The following CCDC68 variants were observed in gnomAD, a reference collection of about 807,000 sequenced individuals.
The protein encoded by CCDC68 is coiled-coil domain-containing protein 68.
In CCDC68, 45 loss-of-function variants were observed where a neutral mutation model predicts 47.1. The ratio of observed to expected loss-of-function variants is 0.96; its 90% CI spans 0.75 to 1.23. CCDC68 has a LOEUF of 1.23. Ranked by LOEUF, CCDC68 falls within the 50% of genes most tolerant of loss-of-function variation. The probability of loss-of-function intolerance (pLI) is 0.00; values close to 1 mark genes in which losing one functional copy is unlikely to be tolerated. For synonymous variants in CCDC68, 131 were observed against 129.5 expected (o/e 1.01, Z -0.08); for missense variants, 353 against 373.6 (o/e 0.94, Z 0.45).
rs111559665 is a variant in CCDC68 at position 54,921,990 on chromosome 18, T to A, written c.684-2614A>T. On this transcript the variant is annotated intron_variant, in intron 8 of 11. Coordinates refer to ENST00000591504, the MANE Select transcript of CCDC68 (RefSeq NM_025214.3). Reference sequence around the variant, plus strand: ...AACAAGCAGTCCCCTTGTTTTTTTTTCCATGGTCCACGGCAGGAAGTGTTT... The same window carrying A: ...AACAAGCAGTCCCCTTGTTTTTTTTACCATGGTCCACGGCAGGAAGTGTTT... 7.2e-3 allele frequency among the ~76,000 whole-genome samples: 1,100 copies of A among 152,274 alleles called. 16 individuals are homozygous for A. The highest frequency in any genetic ancestry group is 0.025 in the African/African-American group (1,048 of 41,548).
At chr18:54,906,537 C>T (rs549131764) in intron 11 of CCDC68, among the ~76,000 whole-genome samples, 1 of 152,220 alleles carries the variant, frequency 6.6e-6, no homozygotes, top group Non-Finnish European at 1.5e-5. Flanking sequence ...GGCCCCATTC[C>T]CTCCAGGGTC....
In CCDC68 at chr18:54,938,084, AGG is replaced by A. The variant is rs2044378975; in HGVS notation, c.216_217del (p.Leu73SerfsTer5). 5.0e-6 allele frequency: 8 copies of A among 1,612,976 alleles called. No homozygotes were observed. The African/African-American group carries it at 9.3e-5, about 19-fold the overall frequency. On this transcript the variant is annotated frameshift_variant, in exon 5 of 12. Transcript: ENST00000591504. LOFTEE classifies it high-confidence loss of function. ...CATTTCAGAATCAGAGCCCTGTTGA[AGG>A]TTTCCACAGTGCTGAAACGGACAAA...
At chr18:54,919,516 C>T (rs2145428116) in intron 8 of CCDC68, 140 bp from the exon 9 acceptor site, 1 of 646,872 alleles carries the variant, frequency 1.5e-6, no homozygotes, top group Non-Finnish European at 2.8e-6. Context: ...CATTATGCCA[C>T]ATAGGACACA....
Position 54,911,328 on chromosome 18 carries a change from G to A in CCDC68, c.874-3466C>T, listed in dbSNP as rs561325406. 2.0e-5 allele frequency among the ~76,000 whole-genome samples: 3 copies of A among 152,300 alleles called. No homozygotes were observed. In the East Asian group the frequency reaches 5.8e-4, roughly 29 times the overall value. On this transcript the variant is annotated intron_variant, in intron 10 of 11. Coordinates refer to ENST00000591504, the MANE Select transcript of CCDC68 (RefSeq NM_025214.3). ...AGCCTCCCAAAGTGCTAACATTACA[G>A]GTGAAAGCCACTGCACCTGGCCTAC...
chr18:54,902,398 T>C lies in CCDC68; in HGVS notation c.*1960A>G, dbSNP rs1913736603. Reference sequence around the variant, plus strand: ...TGATGAATGAGGTATAAAAGGAATCTGGTCTCCTAGTAAAAGATGGATTCT... The same window carrying C: ...TGATGAATGAGGTATAAAAGGAATCCGGTCTCCTAGTAAAAGATGGATTCT... On this transcript the variant is annotated 3_prime_UTR_variant, in exon 12 of 12. Transcript: ENST00000591504. 1 of 152,338 alleles carries C rather than the reference T, an allele frequency of 6.6e-6. No individual in the cohort carries two copies. The highest frequency in any genetic ancestry group is 1.5e-5 in the Non-Finnish European group (1 of 68,028). 9.4% of individuals were successfully genotyped at this position (152,338 alleles called of 1,614,324 possible).
At chr18:54,950,609 T>C (rs371026047) in intron 1 of CCDC68, among the ~76,000 whole-genome samples, 1 of 152,160 alleles carries the variant, frequency 6.6e-6, no homozygotes, top group South Asian at 2.1e-4. Context: ...TTATAGCCAG[T>C]GCTATAGAAA....
chr18:54,904,083 G>T lies in CCDC68; in HGVS notation c.*275C>A. On this transcript the variant is annotated 3_prime_UTR_variant, in exon 12 of 12. Coordinates refer to ENST00000591504, the MANE Select transcript of CCDC68 (RefSeq NM_025214.3). ...AAAAAAAATCTGAAAACAAGATTCA[G>T]ATTTTTTTTTTTTTTTAATTTAAAG... 6.3e-6 allele frequency: 1 copy of T among 159,300 alleles called. No individual in the cohort carries two copies. Among genetic ancestry groups the T allele is most frequent in the Non-Finnish European group, 1.0e-5 (1 of 97,556 alleles). The allele number at this position is 159,300 out of a possible 1,614,324, so 9.9% of individuals were successfully genotyped here.
chr18:54,949,845 G>A (rs558407472), intron 1 of CCDC68, among the ~76,000 whole-genome samples: 5 of 152,286 alleles, frequency 3.3e-5, no homozygotes, highest in African/African-American at 9.6e-5. Flanking sequence ...TGGAGGCAGT[G>A]GAAATCCAGT....
At chr18:54,933,084 T>G (rs2044290482) in intron 7 of CCDC68, among the ~76,000 whole-genome samples, 1 of 152,172 alleles carries the variant, frequency 6.6e-6, no homozygotes, top group Admixed American at 6.5e-5. Context: ...TATCTTCCAC[T>G]GTTCTTTCTT....
intron 3 of CCDC68, among the ~76,000 whole-genome samples, chr18:54,941,979 G>A (rs2145585224): frequency 6.6e-6 from 1 of 152,172 alleles, no homozygotes. Flanking sequence ...TGTATTTTAA[G>A]TAGAGACGGG....
At chr18:54,952,293 T>C (rs1055106961) in intron 1 of CCDC68, among the ~76,000 whole-genome samples, 10 of 152,256 alleles carry the variant, frequency 6.6e-5, no homozygotes, top group Non-Finnish European at 1.5e-4. Flanking sequence ...TGATGCCCTT[T>C]TAGAAAATGT....
At chr18:54,921,392 A>G (rs1465597375) in intron 8 of CCDC68, among the ~76,000 whole-genome samples, 4 of 152,256 alleles carry the variant, frequency 2.6e-5, no homozygotes, top group Non-Finnish European at 5.9e-5. Flanking sequence ...TAATTGGTCC[A>G]ATAGAGTCCT....
chr18:54,944,346 G>T (rs1204030855), intron 2 of CCDC68, among the ~76,000 whole-genome samples: 2 of 151,924 alleles, frequency 1.3e-5, no homozygotes, highest in African/African-American at 4.8e-5. Flanking sequence ...CTGTGGAGTA[G>T]GATTATTAAT....
chr18:54,906,568 T>C (rs1290958003), intron 11 of CCDC68, among the ~76,000 whole-genome samples: 1 of 152,124 alleles, frequency 6.6e-6, no homozygotes, highest in Non-Finnish European at 1.5e-5. Flanking sequence ...GGACTGGCCA[T>C]AGTGCTTCAC....
At chr18:54,946,578 C>T (rs1393535476) in intron 1 of CCDC68, among the ~76,000 whole-genome samples, 1 of 152,136 alleles carries the variant, frequency 6.6e-6, no homozygotes, top group Non-Finnish European at 1.5e-5. Flanking sequence ...AGAATGAATC[C>T]CACTGCCTTC....
At chr18:54,949,079 T>C (rs771140024) in intron 1 of CCDC68, among the ~76,000 whole-genome samples, 2 of 152,240 alleles carry the variant, frequency 1.3e-5, no homozygotes, top group African/African-American at 2.4e-5. Flanking sequence ...CTTCAACCTC[T>C]ACTTCCTGGG....
intron 8 of CCDC68, among the ~76,000 whole-genome samples, chr18:54,919,935 GA>G (rs560471248): frequency 2.0e-5 from 3 of 151,580 alleles, no homozygotes; most frequent in East Asian, 1.9e-4. Flanking sequence ...GAAACGGGGG[GA>G]AAAAAGGAGA....
intron 6 of CCDC68, among the ~76,000 whole-genome samples, chr18:54,935,959 T>C (rs1246022407): frequency 2.6e-5 from 4 of 152,004 alleles, no homozygotes; most frequent in African/African-American, 9.7e-5. Flanking sequence ...TTGGTCCTAG[T>C]ATATATACTT....
intron 10 of CCDC68, among the ~76,000 whole-genome samples, chr18:54,910,597 C>T (rs1320344266): frequency 6.6e-6 from 1 of 152,228 alleles, no homozygotes; most frequent in Non-Finnish European, 1.5e-5. Flanking sequence ...AGACCTGCCC[C>T]CTTCTGCCCA....
Sources: allele counts gnomAD v4.1 joint callset (sites outside exome capture counted in the v4.1 genomes callset), GRCh38; gene constraint gnomAD v4.1.1; transcripts MANE v1.5; gene names NCBI Gene and HGNC (gene_info 2026-07-23, HGNC 2026-07-21).